The following PACSIN2 variants were observed in gnomAD, a reference collection of about 807,000 sequenced individuals.
PACSIN2 encodes the protein protein kinase C and casein kinase substrate in neurons protein 2.
In PACSIN2, 25 loss-of-function variants were observed where a neutral mutation model predicts 63.8. That is an observed-to-expected ratio of 0.39 (90% CI 0.29 to 0.55). The LOEUF is 0.55. PACSIN2 is among the 20% of genes least tolerant of loss of function. The pLI is 0.62. For synonymous variants in PACSIN2, 255 were observed against 256.2 expected (o/e 1.00, Z 0.05); for missense variants, 518 against 646.9 (o/e 0.80, Z 2.16).
At chr22:42,873,819 A>G (rs1452716306) in intron 10 of PACSIN2, among the ~76,000 whole-genome samples, 1 of 149,204 alleles carries the variant, frequency 6.7e-6, no homozygotes, top group Non-Finnish European at 1.5e-5. Flanking sequence ...TTTGAGACAG[A>G]GTGTCACTCC....
rs150751328 is a variant in PACSIN2 at position 42,898,302 on chromosome 22, G to A, written c.61-4689C>T. The stretch of plus-strand genomic sequence containing the variant: ...CTTTTTTTTTTTTTGAGACAGTTTC[G>A]CTCTTGTTGTCCAGGCTGGAGTGCA... On this transcript the variant is annotated intron_variant, in intron 2 of 10. Coordinates refer to ENST00000263246, the MANE Select transcript of PACSIN2 (RefSeq NM_001184970.3). Among the ~76,000 whole-genome samples, 30 of 148,540 alleles carry A rather than the reference G, an allele frequency of 2.0e-4. No individual in the cohort carries two copies. The East Asian group carries it at 5.5e-3, about 27-fold the overall frequency.
intron 1 of PACSIN2, among the ~76,000 whole-genome samples, chr22:42,918,536 A>T (rs1406650165): frequency 6.6e-6 from 1 of 152,220 alleles, no homozygotes; most frequent in Non-Finnish European, 1.5e-5. Context: ...TGAAAAGGCA[A>T]CCAAGATACA....
intron 1 of PACSIN2, among the ~76,000 whole-genome samples, chr22:42,955,161 T>C (rs934686421): frequency 6.6e-6 from 1 of 152,138 alleles, no homozygotes; most frequent in South Asian, 2.1e-4. Context: ...CTCTTTACCT[T>C]ACTGGACTGT....
At chr22:42,914,593 GAA>G (rs1931689892) in intron 1 of PACSIN2, among the ~76,000 whole-genome samples, 1 of 152,174 alleles carries the variant, frequency 6.6e-6, no homozygotes, top group Non-Finnish European at 1.5e-5. Flanking sequence ...TTCAGCAGGA[GAA>G]AGTTTTCTAC....
At chr22:43,004,298 A>G (rs992908883) in intron 1 of PACSIN2, among the ~76,000 whole-genome samples, 1 of 152,214 alleles carries the variant, frequency 6.6e-6, no homozygotes, top group Non-Finnish European at 1.5e-5. Flanking sequence ...AGCTTCTTGA[A>G]TGGTCCCTCA....
At position 42,870,506 on chromosome 22, in the gene PACSIN2, A is replaced by C. The variant is rs1342438719; in HGVS notation, c.*851T>G. The C allele has an allele frequency of 6.6e-6, 1 of 151,500 alleles. No homozygotes were observed. Among genetic ancestry groups the C allele is most frequent in the Non-Finnish European group, 1.5e-5 (1 of 67,524 alleles). 9.4% of individuals were successfully genotyped at this position (151,500 alleles called of 1,614,324 possible). A position where few individuals can be genotyped will look rare whatever the true frequency, so the allele number is the denominator to read the frequency against. Reference sequence around the variant, plus strand: ...GATAGACACTGAGACATGACAGTCTAATCTAAAGCATCTTTACAGATGCAT... The same window carrying C: ...GATAGACACTGAGACATGACAGTCTCATCTAAAGCATCTTTACAGATGCAT... On this transcript the variant is annotated 3_prime_UTR_variant, in exon 11 of 11. Transcript: ENST00000263246.
At chr22:43,005,488 AAGAC>A (rs1316249548) in intron 1 of PACSIN2, among the ~76,000 whole-genome samples, 1 of 152,182 alleles carries the variant, frequency 6.6e-6, no homozygotes, top group African/African-American at 2.4e-5. Flanking sequence ...GGTGGGGAGA[AAGAC>A]AGGCCCTGTA....
At chr22:42,976,578 T>C (rs1030946315) in intron 1 of PACSIN2, among the ~76,000 whole-genome samples, 1 of 152,366 alleles carries the variant, frequency 6.6e-6, no homozygotes, top group South Asian at 2.1e-4. Context: ...TTTATGTAGA[T>C]TCTATGACTG....
chr22:43,007,031 A>G (rs181681173), intron 1 of PACSIN2, among the ~76,000 whole-genome samples: 1 of 151,974 alleles, frequency 6.6e-6, no homozygotes, highest in African/African-American at 2.4e-5. Flanking sequence ...AGTCACCTGA[A>G]TCACCCCTCC....
At chr22:42,903,090 C>T (rs1442318618) in intron 2 of PACSIN2, among the ~76,000 whole-genome samples, 1 of 152,190 alleles carries the variant, frequency 6.6e-6, no homozygotes, top group Non-Finnish European at 1.5e-5. Flanking sequence ...AGGGCCTCAC[C>T]GGGCCTTCAC....
intron 2 of PACSIN2, among the ~76,000 whole-genome samples, chr22:42,896,983 C>T (rs2146684413): frequency 6.6e-6 from 1 of 152,192 alleles, no homozygotes; most frequent in Non-Finnish European, 1.5e-5. Flanking sequence ...GTTGCCCAGG[C>T]TAGAGTGCAG....
At chr22:42,968,997 A>T (rs1016407177) in intron 1 of PACSIN2, among the ~76,000 whole-genome samples, 2 of 151,910 alleles carry the variant, frequency 1.3e-5, no homozygotes, top group Non-Finnish European at 2.9e-5. Flanking sequence ...AGACTCTACA[A>T]CCATGTGAGC....
intron 7 of PACSIN2, among the ~76,000 whole-genome samples, chr22:42,881,267 C>T (rs879673761): frequency 2.0e-5 from 3 of 152,324 alleles, no homozygotes; most frequent in African/African-American, 4.8e-5. Flanking sequence ...AATAGCCCTG[C>T]GTGGACAAAG....
At chr22:42,976,840 G>A (rs1921737561) in intron 1 of PACSIN2, among the ~76,000 whole-genome samples, 1 of 152,182 alleles carries the variant, frequency 6.6e-6, no homozygotes, top group African/African-American at 2.4e-5. Flanking sequence ...GAAGCTCAGG[G>A]AGATTAACTA....
At chr22:43,011,990 C>T (rs1358405969) in intron 1 of PACSIN2, among the ~76,000 whole-genome samples, 1 of 152,052 alleles carries the variant, frequency 6.6e-6, no homozygotes, top group Admixed American at 6.6e-5. Context: ...ACTATAAATA[C>T]AAAAATTAGC....
intron 1 of PACSIN2, among the ~76,000 whole-genome samples, chr22:42,934,998 C>T (rs1932870756): frequency 2.0e-5 from 3 of 152,072 alleles, no homozygotes; most frequent in African/African-American, 7.2e-5. Flanking sequence ...TCACTGCAAG[C>T]TCCACCTCCC....
chr22:42,891,050 T>C lies in PACSIN2; in HGVS notation c.350A>G (p.Lys117Arg). 6.2e-7 allele frequency: 1 copy of C among 1,614,188 alleles called. No homozygotes were observed. The highest frequency in any genetic ancestry group is 8.5e-7 in the Non-Finnish European group (1 of 1,180,028). ...DDFEKIKNWQ[K>R]EAFHKQMMGG... ...CATCATCTGCTTGTGAAAGGCTTCC[T>C]TCTGCCAGTTCTTGATCTTCTCGAA... The change falls in exon 4 of 11, where the codon AAG becomes AGG. Residue 117 changes from lysine to arginine, a missense_variant. Physicochemically the swap from Lys to Arg is conservative, Grantham distance 26. Coordinates refer to ENST00000263246, the MANE Select transcript of PACSIN2 (RefSeq NM_001184970.3).
At chr22:42,921,053 A>G (rs1003719797) in intron 1 of PACSIN2, among the ~76,000 whole-genome samples, 1 of 151,862 alleles carries the variant, frequency 6.6e-6, no homozygotes, top group African/African-American at 2.4e-5. Flanking sequence ...TGCCTGCTCC[A>G]GGGTCATTTT....
Position 42,869,898 on chromosome 22 carries a change from T to C in PACSIN2, c.*1459A>G, listed in dbSNP as rs1927955150. The C allele has an allele frequency of 2.0e-5, 3 of 152,452 alleles. No individual in the cohort carries two copies. In the South Asian group the frequency reaches 6.2e-4, roughly 31 times the overall value. 9.4% of individuals were successfully genotyped at this position (152,452 alleles called of 1,614,324 possible). A position where few individuals can be genotyped will look rare whatever the true frequency, so the allele number is the denominator to read the frequency against. The stretch of plus-strand genomic sequence containing the variant: ...GCACAGAAATGAGGATTTCTGCTGG[T>C]AAGTTCTCAGGACAGACACAGACAC... On this transcript the variant is annotated 3_prime_UTR_variant, in exon 11 of 11. Coordinates refer to ENST00000263246, the MANE Select transcript of PACSIN2 (RefSeq NM_001184970.3).
Sources: gnomAD v4.1 joint callset for allele counts (sites outside exome capture counted in the v4.1 genomes callset) on GRCh38, gnomAD v4.1.1 for gene constraint, MANE v1.5 for transcripts, NCBI Gene and HGNC (gene_info 2026-07-23, HGNC 2026-07-21) for gene names.